The following SLC10A7 variants were observed in gnomAD, a reference collection of about 807,000 sequenced individuals.
SLC10A7 encodes the protein sodium/bile acid cotransporter 7.
A neutral mutation model predicts 43.2 loss-of-function variants in SLC10A7; 29 were observed. That is an observed-to-expected ratio of 0.67 (90% CI 0.50 to 0.92). The LOEUF (loss-of-function observed/expected upper bound fraction) is 0.92, where lower values mean the gene tolerates loss of function less well. Ranked by LOEUF, SLC10A7 falls within the 40% of genes least tolerant of loss-of-function variation. SLC10A7 has a pLI of 0.00. For synonymous variants in SLC10A7, 152 were observed against 144.8 expected (o/e 1.05, Z -0.35); for missense variants, 295 against 403.2 (o/e 0.73, Z 2.30).
At chr4:146,357,915 G>T (rs1462602118) in intron 5 of SLC10A7, among the ~76,000 whole-genome samples, 2 of 151,986 alleles carry the variant, frequency 1.3e-5, no homozygotes, top group African/African-American at 4.8e-5. Flanking sequence ...AAGAGAAAAG[G>T]ACTTGAGTCA....
At chr4:146,473,364 C>T (rs1248181020) in intron 4 of SLC10A7, among the ~76,000 whole-genome samples, 1 of 152,044 alleles carries the variant, frequency 6.6e-6, no homozygotes, top group East Asian at 1.9e-4. Context: ...TTTAATGCTG[C>T]TTAGTTCCTA....
chr4:146,482,424 TA>T (rs534607932), intron 4 of SLC10A7, among the ~76,000 whole-genome samples: 145 of 152,024 alleles, frequency 9.5e-4, no homozygotes, highest in African/African-American at 3.4e-3. Flanking sequence ...ATAGATATCA[TA>T]AAAAATAATC....
chr4:146,402,477 G>C (rs1443691135), intron 5 of SLC10A7, among the ~76,000 whole-genome samples: 2 of 151,948 alleles, frequency 1.3e-5, no homozygotes, highest in African/African-American at 4.8e-5. Context: ...CACCTCTTCA[G>C]CCCTGACCGC....
intron 4 of SLC10A7, among the ~76,000 whole-genome samples, chr4:146,477,103 C>A (rs930657044): frequency 2.6e-5 from 4 of 152,208 alleles, no homozygotes; most frequent in Non-Finnish European, 5.9e-5. Context: ...TTAAAAGAAG[C>A]CTTGACCACT....
At chr4:146,446,737 G>A (rs868149337) in intron 4 of SLC10A7, among the ~76,000 whole-genome samples, 1 of 145,680 alleles carries the variant, frequency 6.9e-6, no homozygotes, top group Non-Finnish European at 1.5e-5. Flanking sequence ...AGGGTGAGAA[G>A]GTTTATCTAT....
At chr4:146,293,424 C>CATTT (rs1475894896) in intron 8 of SLC10A7, among the ~76,000 whole-genome samples, 1 of 152,036 alleles carries the variant, frequency 6.6e-6, no homozygotes, top group East Asian at 1.9e-4. Context: ...TAGCAGTTTC[C>CATTT]TGCATTTTAT....
intron 5 of SLC10A7, chr4:146,441,530 T>C (rs1730600958): frequency 3.1e-6 from 1 of 324,176 alleles, no homozygotes; most frequent in Non-Finnish European, 4.4e-6. Flanking sequence ...TGTACAAAAA[T>C]TGGCTTCCAG....
At chr4:146,407,252 T>C (rs1314726405) in intron 5 of SLC10A7, among the ~76,000 whole-genome samples, 1 of 152,176 alleles carries the variant, frequency 6.6e-6, no homozygotes, top group Non-Finnish European at 1.5e-5. Context: ...TACAAATAAC[T>C]GCATATATTT....
At chr4:146,424,195 G>A (rs1729153143) in intron 5 of SLC10A7, among the ~76,000 whole-genome samples, 1 of 152,156 alleles carries the variant, frequency 6.6e-6, no homozygotes, top group Non-Finnish European at 1.5e-5. Context: ...GGGACTACAA[G>A]CGGGCAACAC....
intron 9 of SLC10A7, among the ~76,000 whole-genome samples, chr4:146,291,292 T>C (rs1022523464): frequency 1.3e-5 from 2 of 152,226 alleles, no homozygotes; most frequent in African/African-American, 4.8e-5. Context: ...TAAGTCACAT[T>C]TTCTCTGTGA....
chr4:146,491,312 T>C (rs1735394268), intron 4 of SLC10A7, among the ~76,000 whole-genome samples: 1 of 152,080 alleles, frequency 6.6e-6, no homozygotes, highest in Non-Finnish European at 1.5e-5. Flanking sequence ...CTGCAAGTAA[T>C]AGGTGGCCAG....
chr4:146,313,214 G>T (rs943227730), intron 6 of SLC10A7, among the ~76,000 whole-genome samples: 1 of 152,136 alleles, frequency 6.6e-6, no homozygotes, highest in Non-Finnish European at 1.5e-5. Flanking sequence ...GAACCAAAGG[G>T]CAAGGGAAAA....
chr4:146,382,173 G>A (rs1029176534), intron 5 of SLC10A7, among the ~76,000 whole-genome samples: 1 of 152,130 alleles, frequency 6.6e-6, no homozygotes, highest in South Asian at 2.1e-4. Context: ...GATTATACAT[G>A]CTGTGCAATT....
At chr4:146,313,875 G>T (rs574318664) in intron 6 of SLC10A7, among the ~76,000 whole-genome samples, 1 of 152,178 alleles carries the variant, frequency 6.6e-6, no homozygotes, top group Admixed American at 6.5e-5. Flanking sequence ...CTTGATTCTT[G>T]TTTGCCCAAA....
At chr4:146,285,027 A>T (rs1729799488) in intron 9 of SLC10A7, among the ~76,000 whole-genome samples, 1 of 152,184 alleles carries the variant, frequency 6.6e-6, no homozygotes, top group Non-Finnish European at 1.5e-5. Context: ...TAAAGAATAG[A>T]TTTAGATATG....
At chr4:146,372,233 T>A (rs1029749877) in intron 5 of SLC10A7, among the ~76,000 whole-genome samples, 1 of 151,884 alleles carries the variant, frequency 6.6e-6, no homozygotes. Flanking sequence ...GTGGGCAGAT[T>A]GCTTGAGCTC....
At chr4:146,273,200 T>C (rs1728999154) in intron 10 of SLC10A7, among the ~76,000 whole-genome samples, 1 of 152,192 alleles carries the variant, frequency 6.6e-6, no homozygotes, top group East Asian at 1.9e-4. Context: ...TTTTCATGTC[T>C]CCTTGCCATT....
At position 146,341,414 on chromosome 4, in the gene SLC10A7, T is replaced by C. The variant is rs188502491; in HGVS notation, c.436-15418A>G. Among the ~76,000 whole-genome samples, 28 of 151,896 alleles carry C rather than the reference T, an allele frequency of 1.8e-4. No individual in the cohort carries two copies. The East Asian group carries it at 5.4e-3, about 29-fold the overall frequency. On this transcript the variant is annotated intron_variant, in intron 5 of 11. Transcript: ENST00000335472. ...GGCCATACACAAACATTTGAAAGTA[T>C]AATTTAGAGTTTTTGATATTCTGTA... is the stretch of plus-strand genomic sequence containing the variant.
intron 5 of SLC10A7, among the ~76,000 whole-genome samples, chr4:146,407,378 C>G (rs1208481093): frequency 6.6e-6 from 1 of 151,924 alleles, no homozygotes; most frequent in Non-Finnish European, 1.5e-5. Context: ...CATTGTTGCT[C>G]TTTGTAATAA....
Sources: gnomAD v4.1 joint callset for allele counts (sites outside exome capture counted in the v4.1 genomes callset) on GRCh38, gnomAD v4.1.1 for gene constraint, MANE v1.5 for transcripts, NCBI Gene and HGNC (gene_info 2026-07-23, HGNC 2026-07-21) for gene names.